Variants in CDH12 observed in about 807,000 individuals in gnomAD.
CDH12 encodes the protein cadherin 12.
A neutral mutation model predicts 74.1 loss-of-function variants in CDH12; 41 were observed. That is an observed-to-expected ratio of 0.55 (90% confidence interval 0.43 to 0.72). The LOEUF is 0.72. Ranked by LOEUF, CDH12 falls within the 30% of genes least tolerant of loss-of-function variation. The probability of loss-of-function intolerance (pLI) is 0.00; values close to 1 mark genes in which losing one functional copy is unlikely to be tolerated. For missense variants in CDH12, 945 were observed against 977.2 expected, an observed-to-expected ratio of 0.97 and a Z score of 0.44; for synonymous variants, 399 against 355.0, an observed-to-expected ratio of 1.12 and a Z score of -1.39.
At chr5:22,062,332 G>A (rs973229791) in intron 5 of CDH12, among the ~76,000 whole-genome samples, 2 of 152,082 alleles carry the variant, frequency 1.3e-5, no homozygotes, top group Admixed American at 1.3e-4. Flanking sequence ...TTAGTATATT[G>A]TGTCATTTCT....
intron 3 of CDH12, among the ~76,000 whole-genome samples, chr5:22,251,568 A>G (rs1382112132): frequency 1.3e-5 from 2 of 152,174 alleles, no homozygotes; most frequent in Non-Finnish European, 2.9e-5. Context: ...CTTATCTGTA[A>G]AGCAGGGATG....
chr5:22,639,535 A>G (rs745824772), intron 1 of CDH12, among the ~76,000 whole-genome samples: 8 of 150,222 alleles, frequency 5.3e-5, no homozygotes, highest in Non-Finnish European at 1.0e-4. Context: ...GCAATTGCCG[A>G]CTGCTCTAAA....
chr5:22,477,230 T>C (rs561754912), intron 2 of CDH12, among the ~76,000 whole-genome samples: 20 of 152,248 alleles, frequency 1.3e-4, no homozygotes, highest in African/African-American at 4.8e-4. Context: ...GTTTTCCCAA[T>C]GCTTTCCCTC....
At chr5:22,531,004 G>A (rs1179153143) in intron 1 of CDH12, among the ~76,000 whole-genome samples, 1 of 151,942 alleles carries the variant, frequency 6.6e-6, no homozygotes, top group Non-Finnish European at 1.5e-5. Flanking sequence ...TTCCTCTGGT[G>A]TCTTTTTTAC....
At chr5:22,615,504 T>C (rs1737647965) in intron 1 of CDH12, among the ~76,000 whole-genome samples, 1 of 152,058 alleles carries the variant, frequency 6.6e-6, no homozygotes, top group African/African-American at 2.4e-5. Context: ...TGGGAAATTT[T>C]AGGTCCTAGC....
chr5:22,351,618 C>A (rs923773813), intron 3 of CDH12, among the ~76,000 whole-genome samples: 3 of 152,060 alleles, frequency 2.0e-5, no homozygotes, highest in African/African-American at 7.2e-5. Context: ...TTTGCATATT[C>A]GTGTCTCACC....
intron 1 of CDH12, 49 bp downstream of exon 1, chr5:22,853,006 TGAA>T (rs1581063906): frequency 6.6e-6 from 1 of 152,226 alleles, no homozygotes; most frequent in East Asian, 1.9e-4. Context: ...GCATGCACCC[TGAA>T]GCGATCACAC....
At chr5:22,637,300 G>A (rs1738890921) in intron 1 of CDH12, among the ~76,000 whole-genome samples, 1 of 152,126 alleles carries the variant, frequency 6.6e-6, no homozygotes, top group Admixed American at 6.5e-5. Context: ...TTTCTGTAAA[G>A]TTATACCCTA....
intron 4 of CDH12, among the ~76,000 whole-genome samples, chr5:22,116,136 C>T (rs921051569): frequency 3.9e-5 from 6 of 152,258 alleles, no homozygotes; most frequent in East Asian, 1.9e-4. Flanking sequence ...TGGGACCAAC[C>T]TAATCACATG....
chr5:22,200,814 G>A (rs535710369), intron 4 of CDH12, among the ~76,000 whole-genome samples: 3 of 152,282 alleles, frequency 2.0e-5, no homozygotes, highest in African/African-American at 7.2e-5. Flanking sequence ...CAAAGCATTT[G>A]GGCACATAAG....
chr5:22,256,510 A>G (rs1561260260), intron 3 of CDH12, among the ~76,000 whole-genome samples: 6 of 152,298 alleles, frequency 3.9e-5, no homozygotes, highest in African/African-American at 4.8e-5. Flanking sequence ...TATTTACTAT[A>G]CTATACTTTC....
intron 5 of CDH12, among the ~76,000 whole-genome samples, chr5:22,030,030 G>A (rs1008889592): frequency 2.7e-4 from 39 of 146,232 alleles, no homozygotes; most frequent in East Asian, 1.7e-3. Flanking sequence ...ACCAAACACC[G>A]CATGTTCTCA....
chr5:22,534,288 G>T (rs1037174863), intron 1 of CDH12, among the ~76,000 whole-genome samples: 5 of 151,746 alleles, frequency 3.3e-5, no homozygotes, highest in African/African-American at 1.2e-4. Context: ...GTGAGATTTT[G>T]GTGCACCAAT....
At chr5:21,776,064 A>G (rs1579679029) in intron 11 of CDH12, among the ~76,000 whole-genome samples, 1 of 152,192 alleles carries the variant, frequency 6.6e-6, no homozygotes, top group Non-Finnish European at 1.5e-5. Context: ...TCTGACATTA[A>G]GTTATAAAAA....
At chr5:22,327,428 CTGTGTGTG>C (rs71609761) in intron 3 of CDH12, among the ~76,000 whole-genome samples, 10,938 of 103,254 alleles carry the variant, frequency 0.11, 501 homozygotes, top group South Asian at 0.23. Flanking sequence ...ATTTGTGCCT[CTGTGTGTG>C]TGTGTGTGTG....
At chr5:22,709,121 G>T (rs771100458) in intron 1 of CDH12, among the ~76,000 whole-genome samples, 2 of 152,156 alleles carry the variant, frequency 1.3e-5, no homozygotes, top group Non-Finnish European at 2.9e-5. Flanking sequence ...GCAGTCTCCC[G>T]CAGGACCTGT....
chr5:22,478,028 C>A (rs2126617448), intron 2 of CDH12, among the ~76,000 whole-genome samples: 1 of 152,202 alleles, frequency 6.6e-6, no homozygotes, highest in African/African-American at 2.4e-5. Flanking sequence ...GGATTAGACT[C>A]ATTATATATT....
Position 22,635,024 on chromosome 5 carries a change from G to A in CDH12, c.-522-129660C>T, listed in dbSNP as rs1216547772. On this transcript the variant is annotated intron_variant, in intron 1 of 14. Coordinates refer to ENST00000382254, the MANE Select transcript of CDH12 (RefSeq NM_004061.5). Reference sequence around the variant, plus strand: ...TGTCAAGATGATCACATAATGCAAGGAACTTAGAATAGACAAAACCTCTTG... The same window carrying A: ...TGTCAAGATGATCACATAATGCAAGAAACTTAGAATAGACAAAACCTCTTG... Among the ~76,000 whole-genome samples, 3 of 151,614 alleles carry A rather than the reference G, an allele frequency of 2.0e-5. No homozygotes were observed. In the South Asian group the frequency reaches 6.2e-4, roughly 31 times the overall value.
intron 2 of CDH12, among the ~76,000 whole-genome samples, chr5:22,411,252 C>T (rs1388192284): frequency 6.6e-6 from 1 of 151,726 alleles, no homozygotes; most frequent in East Asian, 1.9e-4. Flanking sequence ...TTAATAAATT[C>T]TATATACCAA....
Sources: allele counts gnomAD v4.1 joint callset (sites outside exome capture counted in the v4.1 genomes callset), GRCh38; gene constraint gnomAD v4.1.1; transcripts MANE v1.5; gene names NCBI Gene and HGNC (gene_info 2026-07-23, HGNC 2026-07-21).